ALCAM: variants seen among roughly 807,000 people sequenced by gnomAD.
The protein encoded by ALCAM is activated leukocyte cell adhesion molecule.
In ALCAM, 30 loss-of-function variants were observed where a neutral mutation model predicts 70.9. That is an observed-to-expected ratio of 0.42 (90% confidence interval 0.32 to 0.57). The LOEUF (loss-of-function observed/expected upper bound fraction) is 0.57, where lower values mean the gene tolerates loss of function less well. Ranked by LOEUF, ALCAM falls within the 20% of genes least tolerant of loss-of-function variation. ALCAM has a pLI of 0.11. For synonymous variants in ALCAM, 249 were observed against 242.5 expected, an observed-to-expected ratio of 1.03 and a Z score of -0.25; for missense variants, 591 against 695.1, an observed-to-expected ratio of 0.85 and a Z score of 1.68.
chr3:105,465,358 T>A (rs1226478738), intron 1 of ALCAM, among the ~76,000 whole-genome samples: 4 of 151,446 alleles, frequency 2.6e-5, no homozygotes, highest in African/African-American at 9.7e-5. Context: ...TTCAGAAGAA[T>A]CAGAAGACAT....
chr3:105,507,785 A>T (rs1411687853), intron 1 of ALCAM, among the ~76,000 whole-genome samples: 2 of 152,206 alleles, frequency 1.3e-5, no homozygotes, highest in Non-Finnish European at 2.9e-5. Context: ...TTAATTGTGA[A>T]AAGTGTTTTT....
At chr3:105,490,533 ATG>A (rs1938553049) in intron 1 of ALCAM, among the ~76,000 whole-genome samples, 1 of 151,990 alleles carries the variant, frequency 6.6e-6, no homozygotes, top group African/African-American at 2.4e-5. Flanking sequence ...CTGTGTATGT[ATG>A]TGTGTGTGTC....
intron 1 of ALCAM, among the ~76,000 whole-genome samples, chr3:105,374,740 A>G (rs1246319581): frequency 6.6e-6 from 1 of 151,510 alleles, no homozygotes; most frequent in African/African-American, 2.4e-5. Flanking sequence ...CTGGTCTGGA[A>G]CTCCTGGCCT....
intron 14 of ALCAM, chr3:105,553,155 G>T (rs143790904): frequency 1.1e-5 from 10 of 917,646 alleles, no homozygotes; most frequent in Non-Finnish European, 1.3e-5. Flanking sequence ...CATTAAAAAT[G>T]CTTTAGAGAT....
chr3:105,561,404 A>G (rs1476414341), intron 14 of ALCAM, among the ~76,000 whole-genome samples: 3 of 152,110 alleles, frequency 2.0e-5, no homozygotes, highest in Non-Finnish European at 2.9e-5. Flanking sequence ...AGGCACCTCC[A>G]ATACACGGCT....
At chr3:105,533,794 C>A in intron 5 of ALCAM, 104 bp downstream of exon 5, 2 of 1,055,222 alleles carry the variant, frequency 1.9e-6, no homozygotes. Context: ...CTTTTTGGCA[C>A]CAGGAACTGG....
chr3:105,552,712 G>A (rs1940439849), intron 14 of ALCAM, 127 bp downstream of exon 14: 1 of 1,522,880 alleles, frequency 6.6e-7, no homozygotes, highest in African/African-American at 1.4e-5. Context: ...CCCCAAATCA[G>A]GTTGATTATA....
intron 7 of ALCAM, among the ~76,000 whole-genome samples, chr3:105,540,939 T>C (rs1940099888): frequency 6.6e-6 from 1 of 152,018 alleles, no homozygotes; most frequent in South Asian, 2.1e-4. Flanking sequence ...TTGCTGTTTT[T>C]GTTTCCTTTG....
At chr3:105,388,951 T>C (rs910340559) in intron 1 of ALCAM, among the ~76,000 whole-genome samples, 1 of 151,610 alleles carries the variant, frequency 6.6e-6, no homozygotes. Flanking sequence ...ACTTAAGTGG[T>C]GGGCAAGTAA....
At chr3:105,367,720 T>G in intron 1 of ALCAM, among the ~76,000 whole-genome samples, 1 of 152,220 alleles carries the variant, frequency 6.6e-6, no homozygotes, top group Admixed American at 6.5e-5. Flanking sequence ...CTCCAGGAAC[T>G]TGGTGCTCCG....
At chr3:105,506,372 A>C (rs1449804178) in intron 1 of ALCAM, among the ~76,000 whole-genome samples, 2 of 152,208 alleles carry the variant, frequency 1.3e-5, no homozygotes, top group Non-Finnish European at 2.9e-5. Context: ...GAAAATTACC[A>C]TTGGATTTTC....
chr3:105,556,824 GAT>G (rs1940527890), intron 14 of ALCAM, among the ~76,000 whole-genome samples: 1 of 152,014 alleles, frequency 6.6e-6, no homozygotes, highest in South Asian at 2.1e-4. Context: ...AAATTGAAAA[GAT>G]AGTGCTGGAG....
chr3:105,537,326 C>A (rs1156687649), intron 6 of ALCAM, among the ~76,000 whole-genome samples: 1 of 152,080 alleles, frequency 6.6e-6, no homozygotes, highest in Non-Finnish European at 1.5e-5. Flanking sequence ...AATAGTATTT[C>A]TCTTGTCTGC....
chr3:105,367,211 T>TG lies in ALCAM; in HGVS notation c.-193dup. 2 of 576,878 alleles carry TG rather than the reference T, an allele frequency of 3.5e-6. No homozygotes were observed. Among genetic ancestry groups the TG allele is most frequent in the Non-Finnish European group, 6.2e-6 (2 of 321,264 alleles). 35.7% of individuals were successfully genotyped at this position (576,878 alleles called of 1,614,324 possible). ...GTGTTGACCGGGAGGGAGGAGGAGT[T>TG]GGGGGCATTGCGTGGTGGAAAGTTG... is the stretch of plus-strand genomic sequence containing the variant. On this transcript the variant is annotated 5_prime_UTR_variant, in exon 1 of 16. Coordinates refer to ENST00000306107, the MANE Select transcript of ALCAM (RefSeq NM_001627.4).
At chr3:105,559,110 G>C (rs943187627) in intron 14 of ALCAM, among the ~76,000 whole-genome samples, 1 of 150,004 alleles carries the variant, frequency 6.7e-6, no homozygotes, top group Non-Finnish European at 1.5e-5. Context: ...CACCGATGAG[G>C]AAAATTTAAA....
At chr3:105,404,402 C>G (rs1373691785) in intron 1 of ALCAM, among the ~76,000 whole-genome samples, 1 of 152,136 alleles carries the variant, frequency 6.6e-6, no homozygotes, top group African/African-American at 2.4e-5. Context: ...AGAAACCCTA[C>G]AAGGTAGAAG....
At chr3:105,537,870 C>T (rs1940012438) in intron 6 of ALCAM, among the ~76,000 whole-genome samples, 1 of 151,792 alleles carries the variant, frequency 6.6e-6, no homozygotes. Context: ...AATATAGATG[C>T]CAAACAAATG....
At chr3:105,502,061 ACTAT>A (rs1355427765) in intron 1 of ALCAM, among the ~76,000 whole-genome samples, 1 of 152,240 alleles carries the variant, frequency 6.6e-6, no homozygotes, top group African/African-American at 2.4e-5. Flanking sequence ...AATCTGACAT[ACTAT>A]CTTTTTGCCA....
chr3:105,520,023 C>G, intron 1 of ALCAM, 44 bp from the exon 2 acceptor site: 102 of 1,277,322 alleles, frequency 8.0e-5, no homozygotes, highest in Non-Finnish European at 1.0e-4. Context: ...AAATTTTGTT[C>G]TCTCTCTCTT....
Sources: allele counts gnomAD v4.1 joint callset (sites outside exome capture counted in the v4.1 genomes callset), GRCh38; gene constraint gnomAD v4.1.1; transcripts MANE v1.5; gene names NCBI Gene and HGNC (gene_info 2026-07-23, HGNC 2026-07-21).